LRRC4C: variants seen among roughly 807,000 people sequenced by gnomAD.
The protein encoded by LRRC4C is leucine rich repeat containing 4C, also known as leucine-rich repeat-containing protein 4C.
In LRRC4C, 5 loss-of-function variants were observed where a neutral mutation model predicts 33.6. The ratio of observed to expected loss-of-function variants is 0.15; its 90% confidence interval spans 0.08 to 0.31. The LOEUF (loss-of-function observed/expected upper bound fraction) is 0.31, where lower values mean the gene tolerates loss of function less well. Ranked by LOEUF, LRRC4C falls within the 10% of genes least tolerant of loss-of-function variation. LRRC4C has a pLI of 1.00. For missense variants in LRRC4C, 560 were observed against 796.7 expected, an observed-to-expected ratio of 0.70 and a Z score of 3.58; for synonymous variants, 329 against 302.0, an observed-to-expected ratio of 1.09 and a Z score of -0.93.
At chr11:40,622,042 A>G (rs201314389) in intron 3 of LRRC4C, among the ~76,000 whole-genome samples, 1 of 151,520 alleles carries the variant, frequency 6.6e-6, no homozygotes, top group East Asian at 1.9e-4. Flanking sequence ...GACTTTATCC[A>G]AGTCCATTCC....
intron 2 of LRRC4C, among the ~76,000 whole-genome samples, chr11:40,732,638 A>G (rs4341522): frequency 0.37 from 56,317 of 152,120 alleles, 10,725 homozygotes; most frequent in Non-Finnish European, 0.39. Context: ...TCCACATCAC[A>G]TCCATCATTA....
At chr11:40,529,905 C>T (rs888651180) in intron 3 of LRRC4C, among the ~76,000 whole-genome samples, 2 of 152,084 alleles carry the variant, frequency 1.3e-5, no homozygotes, top group African/African-American at 4.8e-5. Context: ...ACCAACACAG[C>T]ACATGTAAAC....
chr11:40,187,442 C>T lies in LRRC4C; in HGVS notation c.-95-46589G>A, dbSNP rs151165540. Among the ~76,000 whole-genome samples the T allele has an allele frequency of 2.0e-3, 309 of 151,940 alleles. 2 individuals carry two copies. The highest frequency in any genetic ancestry group is 7.1e-3 in the African/African-American group (296 of 41,418). On this transcript the variant is annotated intron_variant, in intron 5 of 6. Coordinates refer to ENST00000528697, the MANE Select transcript of LRRC4C (RefSeq NM_001258419.2). ...TTTGGATTGACAGCTCTCAGAAGGC[C>T]TGTTGCAATTCCTTATCAGATAGGG...
intron 6 of LRRC4C, among the ~76,000 whole-genome samples, chr11:40,136,056 A>T (rs1856946058): frequency 6.6e-6 from 1 of 152,184 alleles, no homozygotes; most frequent in Non-Finnish European, 1.5e-5. Context: ...CATAGGCAAA[A>T]TCGGGCTCAC....
Position 40,115,773 on chromosome 11 carries a change from A to G in LRRC4C, c.520T>C (p.Leu174=). Residue 174 remains leucine, a synonymous_variant, in exon 7 of 7, where the codon TTG becomes CTG. Transcript: ENST00000528697. The surrounding 1 kb of genome is among the most constrained non-coding windows in gnomAD (Gnocchi z 6.7). ...AATTCCCCTAAGTCTAGTCGGCGCA[A>G]AGAAGGAATTCTGTTAAAAGCATAA... ...PSYAFNRIPS[L]RRLDLGELKR... is the part of the protein sequence containing the mutation. The G allele has an allele frequency of 6.2e-7, 1 of 1,614,192 alleles. No homozygotes were observed.
chr11:41,424,424 A>G (rs1954969740), intron 1 of LRRC4C, among the ~76,000 whole-genome samples: 1 of 152,104 alleles, frequency 6.6e-6, no homozygotes, highest in African/African-American at 2.4e-5. Flanking sequence ...CTGTTTTACA[A>G]TTGGAAGTAC....
intron 1 of LRRC4C, among the ~76,000 whole-genome samples, chr11:41,305,098 TG>T (rs1285778594): frequency 1.9e-4 from 1 of 5,318 alleles, no homozygotes; most frequent in Admixed American, 2.3e-3. Flanking sequence ...GGGAGGGAGG[TG>T]GGGGGGGTCA....
At chr11:40,304,189 G>A (rs905540820) in intron 4 of LRRC4C, among the ~76,000 whole-genome samples, 4 of 152,128 alleles carry the variant, frequency 2.6e-5, no homozygotes, top group Non-Finnish European at 4.4e-5. Context: ...GGATATTGAG[G>A]GGCCTGGAAG....
chr11:40,676,055 G>A (rs897289972), intron 2 of LRRC4C, among the ~76,000 whole-genome samples: 6 of 152,130 alleles, frequency 3.9e-5, no homozygotes, highest in Non-Finnish European at 5.9e-5. Flanking sequence ...CACATTTTCT[G>A]TAGAACAAAA....
At chr11:41,138,537 G>A (rs970666787) in intron 1 of LRRC4C, among the ~76,000 whole-genome samples, 3 of 152,158 alleles carry the variant, frequency 2.0e-5, no homozygotes, top group South Asian at 4.1e-4. Context: ...AATATTGAAA[G>A]AGAAGTTAGT....
At position 41,080,697 on chromosome 11, in the gene LRRC4C, A is replaced by C. The variant is rs192952114; in HGVS notation, c.-495-146974T>G. ...GCTCTACATTGCTCTCAAGATTTCA[A>C]AAAAAATTATCACTATCTTTGATTA... is the stretch of plus-strand genomic sequence containing the variant. On this transcript the variant is annotated intron_variant, in intron 1 of 6. Transcript: ENST00000528697. Among the ~76,000 whole-genome samples, 520 of 152,198 alleles carry C rather than the reference A, an allele frequency of 3.4e-3. 1 individual carries two copies. The highest frequency in any genetic ancestry group is 0.012 in the African/African-American group (491 of 41,540).
intron 1 of LRRC4C, among the ~76,000 whole-genome samples, chr11:41,301,447 A>T (rs1420072093): frequency 6.6e-6 from 1 of 152,186 alleles, no homozygotes; most frequent in Non-Finnish European, 1.5e-5. Flanking sequence ...GAAAACCAAA[A>T]GAGTTTTGTA....
At chr11:40,711,341 A>T (rs1481728078) in intron 2 of LRRC4C, among the ~76,000 whole-genome samples, 2 of 152,116 alleles carry the variant, frequency 1.3e-5, no homozygotes, top group African/African-American at 4.8e-5. Flanking sequence ...ACCGAACCTC[A>T]GATTTTACAA....
chr11:40,731,438 T>A (rs1410364015), intron 2 of LRRC4C, among the ~76,000 whole-genome samples: 1 of 152,168 alleles, frequency 6.6e-6, no homozygotes. Context: ...GTAAATGTTC[T>A]CTGAGGTCTC....
At chr11:41,330,463 A>G (rs978121995) in intron 1 of LRRC4C, among the ~76,000 whole-genome samples, 1 of 152,202 alleles carries the variant, frequency 6.6e-6, no homozygotes, top group Non-Finnish European at 1.5e-5. Flanking sequence ...TATTTACCCA[A>G]TGTTGAATCT....
intron 3 of LRRC4C, among the ~76,000 whole-genome samples, chr11:40,401,618 C>T (rs540773716): frequency 6.6e-6 from 1 of 152,052 alleles, no homozygotes; most frequent in Non-Finnish European, 1.5e-5. Context: ...GGTAGCTCAC[C>T]AAATCTAAAG....
chr11:40,889,362 T>C (rs999275862), intron 2 of LRRC4C, among the ~76,000 whole-genome samples: 2 of 152,104 alleles, frequency 1.3e-5, no homozygotes, highest in Non-Finnish European at 2.9e-5. Flanking sequence ...TTTGTTTATA[T>C]CTGCATGCAA....
intron 1 of LRRC4C, among the ~76,000 whole-genome samples, chr11:41,097,566 T>C (rs1049999071): frequency 1.3e-5 from 2 of 152,240 alleles, no homozygotes; most frequent in Admixed American, 1.3e-4. Flanking sequence ...GGAGAAACCA[T>C]TGAAGAACCT....
intron 3 of LRRC4C, among the ~76,000 whole-genome samples, chr11:40,380,891 A>G (rs548966546): frequency 1.3e-4 from 20 of 152,206 alleles, no homozygotes; most frequent in Non-Finnish European, 2.1e-4. Context: ...TATCCTTAAA[A>G]AGAAAAATGA....
Sources: allele counts gnomAD v4.1 joint callset (sites outside exome capture counted in the v4.1 genomes callset), GRCh38; gene constraint gnomAD v4.1.1; non-coding constraint Gnocchi (gnomAD v3.1); transcripts MANE v1.5; gene names NCBI Gene and HGNC (gene_info 2026-07-23, HGNC 2026-07-21).